SLC39A11: variants seen among roughly 807,000 people sequenced by gnomAD.
The protein encoded by SLC39A11 is solute carrier family 39 member 11, also known as zinc transporter ZIP11.
A neutral mutation model predicts 36.1 loss-of-function variants in SLC39A11; 33 were observed. The observed-to-expected ratio is 0.91, with a 90% confidence interval of 0.69 to 1.22. The LOEUF is 1.22. Ranked by LOEUF, SLC39A11 falls within the 50% of genes most tolerant of loss-of-function variation. The pLI, the probability that SLC39A11 is intolerant of heterozygous loss-of-function variation, is 0.00. For missense variants in SLC39A11, 432 were observed against 430.3 expected (o/e 1.00, Z -0.03); for synonymous variants, 166 against 170.3 (o/e 0.97, Z 0.20).
intron 6 of SLC39A11, among the ~76,000 whole-genome samples, chr17:72,831,866 C>T (rs2078298606): frequency 6.6e-6 from 1 of 152,190 alleles, no homozygotes; most frequent in Non-Finnish European, 1.5e-5. Context: ...GCAACAGTCT[C>T]CATGGCTGAG....
intron 5 of SLC39A11, among the ~76,000 whole-genome samples, chr17:72,880,000 C>T (rs964770598): frequency 2.0e-5 from 3 of 152,208 alleles, no homozygotes; most frequent in African/African-American, 7.2e-5. Flanking sequence ...CATCCTCAAA[C>T]CTCTTGAGGA....
At chr17:72,821,013 C>T (rs1389462573) in intron 6 of SLC39A11, among the ~76,000 whole-genome samples, 2 of 151,052 alleles carry the variant, frequency 1.3e-5, no homozygotes, top group African/African-American at 4.8e-5. Context: ...TCTGCCTAGT[C>T]TTCCCAGGAT....
At chr17:73,068,037 T>C (rs527362388) in intron 3 of SLC39A11, 4 of 1,586,984 alleles carry the variant, frequency 2.5e-6, no homozygotes, top group Middle Eastern at 2.2e-4. Context: ...ATGAAGTCAA[T>C]GAGTCCTTGG....
intron 7 of SLC39A11, among the ~76,000 whole-genome samples, chr17:72,697,026 A>G (rs1176728634): frequency 1.3e-5 from 2 of 152,230 alleles, no homozygotes; most frequent in Non-Finnish European, 2.9e-5. Flanking sequence ...TTCTGCTAAT[A>G]GCCATAACAC....
At chr17:72,974,396 G>A (rs536495047) in intron 4 of SLC39A11, among the ~76,000 whole-genome samples, 55 of 147,962 alleles carry the variant, frequency 3.7e-4, no homozygotes, top group South Asian at 1.3e-3. Flanking sequence ...CACCACACCC[G>A]GCCTAATGTT....
chr17:72,886,865 T>C (rs546858604), intron 5 of SLC39A11, among the ~76,000 whole-genome samples: 2 of 152,268 alleles, frequency 1.3e-5, no homozygotes, highest in East Asian at 3.9e-4. Flanking sequence ...TGCTCCCTCC[T>C]AGGGTGCTCC....
intron 4 of SLC39A11, among the ~76,000 whole-genome samples, chr17:72,980,247 T>G (rs887548436): frequency 2.6e-5 from 4 of 152,162 alleles, no homozygotes; most frequent in African/African-American, 9.7e-5. Flanking sequence ...AGCTTTTCTA[T>G]GCAAAAACAA....
At chr17:72,969,268 C>T (rs1010177788) in intron 4 of SLC39A11, among the ~76,000 whole-genome samples, 1 of 152,038 alleles carries the variant, frequency 6.6e-6, no homozygotes, top group African/African-American at 2.4e-5. Flanking sequence ...AGACACCGAG[C>T]GCCCACCAGA....
intron 4 of SLC39A11, among the ~76,000 whole-genome samples, chr17:72,974,450 T>A (rs1408345486): frequency 1.5e-4 from 19 of 126,590 alleles, no homozygotes; most frequent in African/African-American, 4.5e-4. Flanking sequence ...AAAAAAAAAA[T>A]TAAGTAAAAA....
chr17:72,842,943 G>C (rs1180222703), intron 6 of SLC39A11, among the ~76,000 whole-genome samples: 1 of 151,864 alleles, frequency 6.6e-6, no homozygotes, highest in African/African-American at 2.4e-5. Context: ...TAAAGGGGAG[G>C]GTTTTTTGCT....
intron 3 of SLC39A11, among the ~76,000 whole-genome samples, chr17:73,047,561 CAT>C (rs1301430673): frequency 1.3e-5 from 2 of 152,012 alleles, no homozygotes; most frequent in Non-Finnish European, 2.9e-5. Flanking sequence ...TCCTATTTCT[CAT>C]ATGGGGAAAC....
intron 3 of SLC39A11, among the ~76,000 whole-genome samples, chr17:73,078,274 G>C (rs2060393351): frequency 1.3e-5 from 2 of 150,430 alleles, no homozygotes; most frequent in Admixed American, 1.3e-4. Context: ...TGAAAAACTA[G>C]GTGCCCCATC....
At chr17:73,008,105 AAAAAAG>A (rs71154943) in intron 4 of SLC39A11, among the ~76,000 whole-genome samples, 114 of 139,714 alleles carry the variant, frequency 8.2e-4, no homozygotes, top group African/African-American at 1.5e-3. Flanking sequence ...TCAGTCTCAA[AAAAAAG>A]AAAAAGAAAA....
chr17:73,015,500 A>G (rs2090755675), intron 4 of SLC39A11, among the ~76,000 whole-genome samples: 1 of 152,220 alleles, frequency 6.6e-6, no homozygotes, highest in South Asian at 2.1e-4. Flanking sequence ...TGTACCCTGT[A>G]TGCCATCCGA....
chr17:72,932,743 C>A (rs1028006855), intron 5 of SLC39A11, among the ~76,000 whole-genome samples: 1 of 152,104 alleles, frequency 6.6e-6, no homozygotes, highest in Non-Finnish European at 1.5e-5. Context: ...TGAGAGCATA[C>A]AATATACTAG....
At chr17:72,974,254 C>G (rs2087671406) in intron 4 of SLC39A11, among the ~76,000 whole-genome samples, 1 of 152,016 alleles carries the variant, frequency 6.6e-6, no homozygotes, top group Non-Finnish European at 1.5e-5. Flanking sequence ...CGCCCGCCAC[C>G]ACACTTGGCT....
chr17:72,942,912 A>G (rs145514404), intron 5 of SLC39A11, among the ~76,000 whole-genome samples: 120 of 152,344 alleles, frequency 7.9e-4, no homozygotes, highest in African/African-American at 2.8e-3. Flanking sequence ...GTTGAACTAG[A>G]GAAACCGTTC....
intron 7 of SLC39A11, among the ~76,000 whole-genome samples, chr17:72,684,801 A>G (rs1473012104): frequency 6.6e-6 from 1 of 152,192 alleles, no homozygotes; most frequent in African/African-American, 2.4e-5. Context: ...GAGTGTAGCT[A>G]CAAGAGAAAG....
chr17:72,944,641 C>G (rs944579504), intron 5 of SLC39A11, among the ~76,000 whole-genome samples: 2 of 152,192 alleles, frequency 1.3e-5, no homozygotes, highest in African/African-American at 2.4e-5. Flanking sequence ...CTCCTGGCCT[C>G]ATTTCTAGAA....
Sources: allele counts gnomAD v4.1 joint callset (sites outside exome capture counted in the v4.1 genomes callset), GRCh38; gene constraint gnomAD v4.1.1; transcripts MANE v1.5; gene names NCBI Gene and HGNC (gene_info 2026-07-23, HGNC 2026-07-21).